The following SLCO5A1 variants were observed in gnomAD, a reference collection of about 807,000 sequenced individuals.
SLCO5A1 encodes solute carrier organic anion transporter family member 5A1.
A neutral mutation model predicts 65.1 loss-of-function variants in SLCO5A1; 39 were observed. The observed-to-expected ratio is 0.60, with a 90% CI of 0.46 to 0.78. The LOEUF (loss-of-function observed/expected upper bound fraction) is 0.78. SLCO5A1 is among the 30% of genes least tolerant of loss of function. SLCO5A1 has a pLI of 0.00. For missense variants in SLCO5A1, 1,029 were observed against 1,069.4 expected (o/e 0.96, Z 0.53); for synonymous variants, 438 against 415.7 (o/e 1.05, Z -0.65).
intron 4 of SLCO5A1, among the ~76,000 whole-genome samples, chr8:69,750,459 T>A (rs1218266600): frequency 6.6e-6 from 1 of 152,002 alleles, no homozygotes; most frequent in African/African-American, 2.4e-5. Flanking sequence ...ATCGAAGAAC[T>A]CACACTAGAA....
intron 2 of SLCO5A1, among the ~76,000 whole-genome samples, chr8:69,817,575 G>T (rs1332128757): frequency 6.6e-6 from 1 of 151,890 alleles, no homozygotes; most frequent in Non-Finnish European, 1.5e-5. Context: ...GTTTTCTCTT[G>T]CCCAAATCCT....
chr8:69,829,382 GA>G (rs558982947), intron 2 of SLCO5A1, among the ~76,000 whole-genome samples: 2 of 152,150 alleles, frequency 1.3e-5, no homozygotes, highest in African/African-American at 4.8e-5. Flanking sequence ...CATGGAAAAA[GA>G]AAAAAGTTGA....
At chr8:69,751,994 G>C (rs577063267) in intron 4 of SLCO5A1, among the ~76,000 whole-genome samples, 3 of 152,310 alleles carry the variant, frequency 2.0e-5, no homozygotes, top group South Asian at 2.1e-4. Context: ...ACGTTGGGAG[G>C]CTGAGGCAGG....
chr8:69,790,133 A>T (rs1819204804), intron 2 of SLCO5A1, among the ~76,000 whole-genome samples: 1 of 149,048 alleles, frequency 6.7e-6, no homozygotes, highest in African/African-American at 2.5e-5. Flanking sequence ...GCGGGGTTGC[A>T]GTGAGCCGAG....
intron 5 of SLCO5A1, among the ~76,000 whole-genome samples, chr8:69,708,124 A>G (rs1815057764): frequency 6.6e-6 from 1 of 152,234 alleles, no homozygotes; most frequent in East Asian, 1.9e-4. Context: ...CCACAGAACA[A>G]GTTGAAAATG....
chr8:69,709,799 G>A (rs1815144109), intron 5 of SLCO5A1, among the ~76,000 whole-genome samples: 1 of 152,090 alleles, frequency 6.6e-6, no homozygotes, highest in Admixed American at 6.5e-5. Context: ...AAGTGAAGTC[G>A]GCACTACTAA....
At chr8:69,816,694 G>T (rs1441279395) in intron 2 of SLCO5A1, among the ~76,000 whole-genome samples, 1 of 152,000 alleles carries the variant, frequency 6.6e-6, no homozygotes, top group African/African-American at 2.4e-5. Flanking sequence ...TAATCTTAAC[G>T]TGCCTACTCT....
intron 8 of SLCO5A1, among the ~76,000 whole-genome samples, chr8:69,677,673 G>C (rs1401339536): frequency 6.6e-6 from 1 of 152,178 alleles, no homozygotes; most frequent in Non-Finnish European, 1.5e-5. Context: ...AAACCAGTGG[G>C]CCTTTCATGC....
intron 8 of SLCO5A1, 42 bp downstream of exon 8, chr8:69,679,336 A>T (rs371825070): frequency 1.2e-6 from 2 of 1,609,514 alleles, no homozygotes; most frequent in African/African-American, 2.7e-5. Flanking sequence ...TCTGGAAATT[A>T]TAAGTACAGA....
intron 2 of SLCO5A1, among the ~76,000 whole-genome samples, chr8:69,825,684 C>T (rs890706022): frequency 5.9e-5 from 9 of 152,016 alleles, no homozygotes; most frequent in Admixed American, 1.3e-4. Context: ...GAATCAATAT[C>T]GTGAAAATGG....
At chr8:69,731,721 T>C (rs1292409374) in intron 5 of SLCO5A1, among the ~76,000 whole-genome samples, 2 of 152,244 alleles carry the variant, frequency 1.3e-5, no homozygotes, top group East Asian at 3.8e-4. Flanking sequence ...TTGTTCCTAA[T>C]AGCGTCTATT....
intron 6 of SLCO5A1, among the ~76,000 whole-genome samples, chr8:69,695,388 A>T (rs887312748): frequency 2.6e-5 from 4 of 152,190 alleles, no homozygotes; most frequent in Admixed American, 1.3e-4. Context: ...TCAGCTACTC[A>T]GGAGGCTGAG....
intron 2 of SLCO5A1, among the ~76,000 whole-genome samples, chr8:69,798,534 C>T (rs890359784): frequency 1.3e-5 from 2 of 152,118 alleles, no homozygotes; most frequent in Non-Finnish European, 2.9e-5. Context: ...TTTTAAATAA[C>T]CAGATCTCAT....
At chr8:69,806,077 C>T (rs1333808190) in intron 2 of SLCO5A1, among the ~76,000 whole-genome samples, 1 of 152,208 alleles carries the variant, frequency 6.6e-6, no homozygotes, top group Non-Finnish European at 1.5e-5. Context: ...CCCCAACCCC[C>T]GCCAGAGGAA....
chr8:69,831,672 T>A (rs1166935234), intron 2 of SLCO5A1, 95 bp downstream of exon 2: 2 of 1,325,704 alleles, frequency 1.5e-6, no homozygotes, highest in East Asian at 4.7e-5. Context: ...ATAATATACA[T>A]GAAAATGTGA....
intron 8 of SLCO5A1, among the ~76,000 whole-genome samples, chr8:69,678,155 A>G (rs147496476): frequency 2.0e-3 from 306 of 152,372 alleles, no homozygotes; most frequent in African/African-American, 6.9e-3. Flanking sequence ...AAATGCTGGA[A>G]TGTAACAAAA....
chr8:69,785,447 C>G (rs914651741), intron 2 of SLCO5A1, among the ~76,000 whole-genome samples: 1 of 152,004 alleles, frequency 6.6e-6, no homozygotes, highest in African/African-American at 2.4e-5. Flanking sequence ...TGATAAATGC[C>G]TAACAGTGGT....
At chr8:69,732,012 G>C (rs1334706532) in intron 5 of SLCO5A1, among the ~76,000 whole-genome samples, 2 of 152,174 alleles carry the variant, frequency 1.3e-5, no homozygotes, top group Non-Finnish European at 2.9e-5. Context: ...TTTAAAAACT[G>C]CTCATAAACT....
At chr8:69,831,265 G>GA (rs58430287) in intron 2 of SLCO5A1, among the ~76,000 whole-genome samples, 14 of 140,530 alleles carry the variant, frequency 1.0e-4, no homozygotes, top group South Asian at 2.2e-4. Flanking sequence ...ATCTTAAAAA[G>GA]AAAAAAAAAA....
Sources: gnomAD v4.1 joint callset for allele counts (sites outside exome capture counted in the v4.1 genomes callset) on GRCh38, gnomAD v4.1.1 for gene constraint, MANE v1.5 for transcripts, NCBI Gene and HGNC (gene_info 2026-07-23, HGNC 2026-07-21) for gene names.